Variants in PIGH observed in about 807,000 individuals in gnomAD.
PIGH encodes the protein phosphatidylinositol glycan anchor biosynthesis class H, also known as phosphatidylinositol N-acetylglucosaminyltransferase subunit H.
In PIGH, 11 loss-of-function variants were observed where a neutral mutation model predicts 20.1. That is an observed-to-expected ratio of 0.55 (90% confidence interval 0.34 to 0.91). The LOEUF is 0.91. PIGH is among the 40% of genes least tolerant of loss of function. The pLI is 0.02. For missense variants in PIGH, 189 were observed against 233.6 expected (o/e 0.81, Z 1.24); for synonymous variants, 72 against 93.1 (o/e 0.77, Z 1.31).
In PIGH at chr14:67,597,486, C is replaced by G. The variant is rs1269677955; in HGVS notation, c.180+2538G>C. Among the ~76,000 whole-genome samples the G allele has an allele frequency of 2.7e-5, 4 of 148,288 alleles. No individual in the cohort carries two copies. In the South Asian group the frequency reaches 6.5e-4, roughly 24 times the overall value. On this transcript the variant is annotated intron_variant, in intron 1 of 3. Coordinates refer to ENST00000216452, the MANE Select transcript of PIGH (RefSeq NM_004569.5). Reference sequence around the variant, plus strand: ...GAGTGAGAACCTGTCTCAAAAAAAACAAAGAAACCTGTCTCAAAAAAAAAA... The same window carrying G: ...GAGTGAGAACCTGTCTCAAAAAAAAGAAAGAAACCTGTCTCAAAAAAAAAA...
rs1321746122 is a variant in PIGH, at chr14:67,589,669, T to C, written c.*411A>G. The C allele has an allele frequency of 4.0e-6, 4 of 990,652 alleles. No individual in the cohort carries two copies. The African/African-American group carries it at 5.2e-5, about 13-fold the overall frequency. The allele number at this position is 990,652 out of a possible 1,614,324, so 61.4% of individuals were successfully genotyped here. On this transcript the variant is annotated 3_prime_UTR_variant, in exon 4 of 4. Coordinates refer to ENST00000216452, the MANE Select transcript of PIGH (RefSeq NM_004569.5). The stretch of plus-strand genomic sequence containing the variant: ...TAACCAGTACTGAAGGGCTTGTTTT[T>C]TTCGTAACTTTACACAAGGGGTACT...
intron 2 of PIGH, chr14:67,593,497 A>G: frequency 2.2e-6 from 1 of 464,872 alleles, no homozygotes; most frequent in Non-Finnish European, 3.9e-6. Context: ...TCTCAAAAAA[A>G]AAAAAAGAAA....
At position 67,593,873 on chromosome 14, in the gene PIGH, T is replaced by G. The variant is rs11547224; in HGVS notation, c.260A>C (p.Gln87Pro). 3.1e-6 allele frequency: 5 copies of G among 1,612,954 alleles called. No homozygotes were observed. The African/African-American group carries it at 6.7e-5, about 22-fold the overall frequency. ...GGAATCAATGATTAACAGAGTCTCC[T>G]GATCAATCTTCACAAAATGGAGATA... is the stretch of plus-strand genomic sequence containing the variant. ...LGYLHFVKID[Q>P]ETLLIIDSLG... Residue 87 changes from glutamine (Q) to proline (P), a missense_variant, in exon 2 of 4, where the codon CAG becomes CCG. Transcript: ENST00000216452.
chr14:67,597,495 C>T (rs924415138), intron 1 of PIGH, among the ~76,000 whole-genome samples: 18 of 147,670 alleles, frequency 1.2e-4, no homozygotes, highest in Admixed American at 9.3e-4. Context: ...ACAAAGAAAC[C>T]TGTCTCAAAA....
chr14:67,600,200 C>G lies in PIGH; in HGVS notation c.4G>C (p.Glu2Gln). ...ATATCCGAAAAGCTCCGCTCATCCT[C>G]CATGACGCCCCCACTCGGCCGCCCG... The part of the protein sequence containing the change: M[E>Q]DERSFSDICG... Residue 2 changes from glutamate (E) to glutamine (Q), a missense_variant, in exon 1 of 4, where the codon GAG becomes CAG. Physicochemically the swap from Glu to Gln is conservative, Grantham distance 29. Transcript: ENST00000216452. 1 of 1,573,290 alleles carries G rather than the reference C, an allele frequency of 6.4e-7. No individual in the cohort carries two copies. Among genetic ancestry groups the G allele is most frequent in the Non-Finnish European group, 8.6e-7 (1 of 1,160,476 alleles).
chr14:67,594,282 G>A (rs971266676), intron 1 of PIGH, among the ~76,000 whole-genome samples: 14 of 152,102 alleles, frequency 9.2e-5, no homozygotes, highest in Admixed American at 8.5e-4. Flanking sequence ...CCAGGAGTTC[G>A]AGGCTGCAGT....
intron 1 of PIGH, among the ~76,000 whole-genome samples, chr14:67,595,535 T>C (rs1222030113): frequency 1.3e-5 from 2 of 152,194 alleles, no homozygotes; most frequent in Non-Finnish European, 2.9e-5. Context: ...CCATGATTGG[T>C]TCCCACTCCT....
rs548133955 is a variant in PIGH, at chr14:67,600,268, C to T, written c.-65G>A. On this transcript the variant is annotated 5_prime_UTR_variant, in exon 1 of 4. Transcript: ENST00000216452. ...CTGCGCTCGCCGGCCCTGGCCGTCT[C>T]GCCCGCTCCAGACCCGCTTCCGGCA... The T allele has an allele frequency of 2.2e-6, 3 of 1,368,732 alleles. No homozygotes were observed. The highest frequency in any genetic ancestry group is 1.9e-4 in the Middle Eastern group (1 of 5,348). 84.8% of individuals were successfully genotyped at this position (1,368,732 alleles called of 1,614,324 possible).
At chr14:67,596,022 T>C (rs555765344) in intron 1 of PIGH, among the ~76,000 whole-genome samples, 1 of 152,362 alleles carries the variant, frequency 6.6e-6, no homozygotes, top group African/African-American at 2.4e-5. Context: ...ATTCCCTTGA[T>C]TCTAAGACCA....
chr14:67,593,092 C>A (rs1453462040), intron 2 of PIGH, among the ~76,000 whole-genome samples: 1 of 152,192 alleles, frequency 6.6e-6, no homozygotes, highest in Non-Finnish European at 1.5e-5. Flanking sequence ...TGGCCACATT[C>A]TATTTTTCTA....
At position 67,590,157 on chromosome 14, in the gene PIGH, GC is replaced by G; in HGVS notation, c.489del (p.Leu164TrpfsTer4). Reference protein sequence around the residue: ...VVPVFQSAKPRLDCLIEVYRS... With the variant: ...VVPVFQSAKPXLDCLIEVYRS... ...CTGTATACTTCAATCAAGCAGTCCA[GC>G]CGGGGCTTGGCACTCTGAATTCCAA... On this transcript the variant is annotated frameshift_variant, in exon 4 of 4. Transcript: ENST00000216452. LOFTEE classifies it high-confidence loss of function. 1 of 1,550,848 alleles carries G rather than the reference GC, an allele frequency of 6.4e-7. No individual in the cohort carries two copies. The highest frequency in any genetic ancestry group is 8.7e-7 in the Non-Finnish European group (1 of 1,146,716).
At position 67,589,753 on chromosome 14, in the gene PIGH, C is replaced by T; in HGVS notation, c.*327G>A. On this transcript the variant is annotated 3_prime_UTR_variant, in exon 4 of 4. Transcript: ENST00000216452. ...GTCAGTTTCCCATTGTTTTGCTTCA[C>T]AAACATCAACAAAGTAAACCTGAAC... The T allele has an allele frequency of 2.7e-5, 28 of 1,030,398 alleles. No homozygotes were observed. Among genetic ancestry groups the T allele is most frequent in the Non-Finnish European group, 3.3e-5 (28 of 859,744 alleles). 63.8% of individuals were successfully genotyped at this position (1,030,398 alleles called of 1,614,324 possible).
chr14:67,594,924 C>A (rs1315179462), intron 1 of PIGH, among the ~76,000 whole-genome samples: 1 of 151,958 alleles, frequency 6.6e-6, no homozygotes, highest in Non-Finnish European at 1.5e-5. Flanking sequence ...CCGAGGCGGG[C>A]GGATCACGAG....
Position 67,600,140 on chromosome 14 carries a change from A to G in PIGH, c.64T>C (p.Tyr22His). The change falls in exon 1 of 4, where the codon TAC (tyrosine) becomes CAC (histidine). Residue 22 changes from tyrosine (Y) to histidine (H), a missense_variant. Transcript: ENST00000216452. ...CAGAATTCCCGGCAGGACGGGGAGTAGTAGCGGCGCTGCAGCGCCAGGCGG... is the reference window on the plus strand; with the variant it reads ...CAGAATTCCCGGCAGGACGGGGAGTGGTAGCGGCGCTGCAGCGCCAGGCGG... Reference protein sequence around the residue: ...GGRLALQRRYYSPSCREFCLS... With the variant: ...GGRLALQRRYHSPSCREFCLS... The G allele has an allele frequency of 6.3e-7, 1 of 1,594,390 alleles. No homozygotes were observed. Among genetic ancestry groups the G allele is most frequent in the East Asian group, 2.3e-5 (1 of 43,758 alleles).
Position 67,596,295 on chromosome 14 carries a change from A to ATTTTTTTT in PIGH, c.181-2351_181-2344dup, listed in dbSNP as rs772451900. On this transcript the variant is annotated intron_variant, in intron 1 of 3. Coordinates refer to ENST00000216452, the MANE Select transcript of PIGH (RefSeq NM_004569.5). ...AGGCACCCGCCACCACGCCCAGCTA[A>ATTTTTTTT]TTTTTTTTTTTTTTTTTTTTTTTTT... 4.1e-3 allele frequency among the ~76,000 whole-genome samples: 248 copies of ATTTTTTTT among 60,222 alleles called. 51 individuals carry two copies. Among genetic ancestry groups the ATTTTTTTT allele is most frequent in the East Asian group, 0.018 (32 of 1,732 alleles). The allele number at this position is 60,222 out of a possible 152,430, so 39.5% of individuals were successfully genotyped here.
At chr14:67,592,522 T>C (rs776349266) in intron 3 of PIGH, 113 bp downstream of exon 3, 2 of 642,582 alleles carry the variant, frequency 3.1e-6, no homozygotes, top group Non-Finnish European at 5.6e-6. Context: ...AAATCCTAAT[T>C]ATCACTCAAA....
At chr14:67,599,793 C>G (rs1327724622) in intron 1 of PIGH, among the ~76,000 whole-genome samples, 1 of 152,218 alleles carries the variant, frequency 6.6e-6, no homozygotes, top group Non-Finnish European at 1.5e-5. Flanking sequence ...CGGAGCAGAG[C>G]ACAGCCACGG....
chr14:67,591,111 A>G (rs2036357826), intron 3 of PIGH, among the ~76,000 whole-genome samples: 1 of 152,192 alleles, frequency 6.6e-6, no homozygotes, highest in Non-Finnish European at 1.5e-5. Flanking sequence ...ATACAAATAC[A>G]TAATATTCAG....
At chr14:67,590,249 ATTTTTTT>A (rs34186099) in intron 3 of PIGH, 77 bp from the exon 4 acceptor site, 39 of 733,384 alleles carry the variant, frequency 5.3e-5, no homozygotes, top group East Asian at 1.1e-4. Flanking sequence ...CCACTTGCAA[ATTTTTTT>A]TTTTTTTTTT....
Sources: gnomAD v4.1 joint callset for allele counts (sites outside exome capture counted in the v4.1 genomes callset) on GRCh38, gnomAD v4.1.1 for gene constraint, MANE v1.5 for transcripts, NCBI Gene and HGNC (gene_info 2026-07-23, HGNC 2026-07-21) for gene names.